Variants in ABTB3 observed in about 807,000 individuals in gnomAD.
ABTB3 encodes the protein ankyrin repeat- and BTB/POZ domain-containing protein 3.
chr12:107,323,391 C>A, the ABTB3 span, among the ~76,000 whole-genome samples: 1 of 151,850 alleles, frequency 6.6e-6, no homozygotes, highest in African/African-American at 2.4e-5. Flanking sequence ...GGACTGGATT[C>A]AGAAAAAAAA....
chr12:107,563,253 C>A, the ABTB3 span, among the ~76,000 whole-genome samples: 1 of 152,184 alleles, frequency 6.6e-6, no homozygotes, highest in Non-Finnish European at 1.5e-5. Flanking sequence ...GGAAAACCAC[C>A]AGAATTTAAG....
At chr12:107,428,538 C>T in the ABTB3 span, among the ~76,000 whole-genome samples, 7 of 152,194 alleles carry the variant, frequency 4.6e-5, no homozygotes, top group Non-Finnish European at 8.8e-5. Flanking sequence ...TGGGACAGTT[C>T]TGAGGGGTGC....
At chr12:107,649,350 C>T in the ABTB3 span, 2 of 1,376,254 alleles carry the variant, frequency 1.5e-6, no homozygotes, top group Non-Finnish European at 2.1e-6. Context: ...GGGTCACCAG[C>T]CTGCATGGAA....
the ABTB3 span, among the ~76,000 whole-genome samples, chr12:107,648,069 T>C: frequency 1.3e-5 from 2 of 152,020 alleles, no homozygotes; most frequent in South Asian, 4.2e-4. Context: ...TAAAGTGAGT[T>C]TGTCAAACAT....
the ABTB3 span, among the ~76,000 whole-genome samples, chr12:107,449,699 G>A: frequency 6.6e-6 from 1 of 152,104 alleles, no homozygotes; most frequent in African/African-American, 2.4e-5. Flanking sequence ...GGTTCAGGCT[G>A]AAGTGCAGTG....
chr12:107,390,093 G>A, the ABTB3 span, among the ~76,000 whole-genome samples: 1 of 152,122 alleles, frequency 6.6e-6, no homozygotes. Context: ...CAGTGTGGGA[G>A]GAGACTAAAC....
At chr12:107,343,179 T>C in the ABTB3 span, among the ~76,000 whole-genome samples, 30,280 of 151,928 alleles carry the variant, frequency 0.2, 3,717 homozygotes, top group East Asian at 0.35. Context: ...CACACCTGGC[T>C]GTTTTTTTGG....
the ABTB3 span, among the ~76,000 whole-genome samples, chr12:107,396,086 C>T: frequency 3.3e-5 from 5 of 152,218 alleles, no homozygotes; most frequent in African/African-American, 1.2e-4. Flanking sequence ...GTCCTTTGGC[C>T]AAGTGCAGGA....
the ABTB3 span, among the ~76,000 whole-genome samples, chr12:107,475,057 A>G: frequency 6.6e-6 from 1 of 152,034 alleles, no homozygotes. Context: ...TCTCAGGGTG[A>G]TTTTTTAAGT....
chr12:107,655,201 C>T, the ABTB3 span, among the ~76,000 whole-genome samples: 1 of 152,054 alleles, frequency 6.6e-6, no homozygotes, highest in Admixed American at 6.6e-5. Context: ...GGGATGTGAG[C>T]CCCGGCTGGG....
the ABTB3 span, among the ~76,000 whole-genome samples, chr12:107,551,944 G>A: frequency 6.6e-6 from 1 of 152,124 alleles, no homozygotes; most frequent in East Asian, 1.9e-4. Flanking sequence ...TAGAGATGGG[G>A]TTTCACCATG....
chr12:107,520,182 A>G, the ABTB3 span: 1 of 982,928 alleles, frequency 1.0e-6, no homozygotes, highest in Non-Finnish European at 1.2e-6. Context: ...CACATCTAGG[A>G]GTGGATAGCA....
At chr12:107,388,879 G>C in the ABTB3 span, among the ~76,000 whole-genome samples, 1 of 152,220 alleles carries the variant, frequency 6.6e-6, no homozygotes, top group South Asian at 2.1e-4. Flanking sequence ...AGGAGCCAGG[G>C]TTTCCTCTTC....
At chr12:107,408,556 A>C in the ABTB3 span, among the ~76,000 whole-genome samples, 1 of 152,086 alleles carries the variant, frequency 6.6e-6, no homozygotes, top group East Asian at 1.9e-4. Context: ...AGTATCAGAT[A>C]CTCTTCTAAG....
the ABTB3 span, among the ~76,000 whole-genome samples, chr12:107,459,039 A>C: frequency 6.6e-6 from 1 of 152,198 alleles, no homozygotes; most frequent in East Asian, 1.9e-4. Flanking sequence ...CTCAAGCTGC[A>C]AATAATAAAA....
the ABTB3 span, among the ~76,000 whole-genome samples, chr12:107,608,893 T>TATAAAATA: frequency 1.2e-5 from 1 of 84,324 alleles, no homozygotes. Context: ...TAAAATAAAA[T>TATAAAATA]AAATAAAATA....
the ABTB3 span, among the ~76,000 whole-genome samples, chr12:107,570,827 C>G: frequency 6.6e-6 from 1 of 152,300 alleles, no homozygotes; most frequent in South Asian, 2.1e-4. Flanking sequence ...GTTGCTCTGT[C>G]TCAGCCCCAG....
chr12:107,414,904 G>A, the ABTB3 span, among the ~76,000 whole-genome samples: 5 of 151,882 alleles, frequency 3.3e-5, no homozygotes, highest in Non-Finnish European at 5.9e-5. Flanking sequence ...AGTAGACACA[G>A]GATTTCACCA....
the ABTB3 span, among the ~76,000 whole-genome samples, chr12:107,484,940 G>A: frequency 2.6e-5 from 4 of 152,310 alleles, no homozygotes; most frequent in South Asian, 8.3e-4. Flanking sequence ...GCAGGTCAGT[G>A]TGGGATGTGC....
Sources: allele counts gnomAD v4.1 joint callset (sites outside exome capture counted in the v4.1 genomes callset), GRCh38; gene constraint gnomAD v4.1.1; transcripts MANE v1.5; gene names NCBI Gene and HGNC (gene_info 2026-07-23, HGNC 2026-07-21).